The following CDHR2 variants were observed in gnomAD, a reference collection of about 807,000 sequenced individuals.
The protein encoded by CDHR2 is cadherin related family member 2, also known as cadherin-related family member 2.
CDHR2 carries 104 observed loss-of-function variants against 138.6 expected under a neutral mutation model. That is an observed-to-expected ratio of 0.75 (90% CI 0.64 to 0.88). The LOEUF (loss-of-function observed/expected upper bound fraction) is 0.88. CDHR2 is among the 40% of genes least tolerant of loss of function. CDHR2 has a pLI of 0.00. For synonymous variants in CDHR2, 755 were observed against 742.8 expected, an observed-to-expected ratio of 1.02 and a Z score of -0.27; for missense variants, 1,624 against 1,727.6, an observed-to-expected ratio of 0.94 and a Z score of 1.06.
chr5:176,575,010 C>T, intron 7 of CDHR2, 74 bp from the exon 8 acceptor site: 2 of 1,579,022 alleles, frequency 1.3e-6, no homozygotes, highest in African/African-American at 1.3e-5. Flanking sequence ...GGGACCTTCC[C>T]TGCGTTGCTC....
At position 176,550,207 on chromosome 5, in the gene CDHR2, AT is replaced by A. The variant is rs368195711; in HGVS notation, c.-16+794del. On this transcript the variant is annotated intron_variant, in intron 1 of 31. Coordinates refer to ENST00000261944, the MANE Select transcript of CDHR2 (RefSeq NM_017675.6). ...CCCGTGTGTAGACCCCTTGATTTTT[AT>A]CCTCACTCTGCTTCTCAGCAGGGGA... Among the ~76,000 whole-genome samples, 1,023 of 152,298 alleles carry A rather than the reference AT, an allele frequency of 6.7e-3. 6 individuals are homozygous for A. The highest frequency in any genetic ancestry group is 0.023 in the African/African-American group (963 of 41,550).
At chr5:176,562,547 C>A (rs947356676) in intron 1 of CDHR2, among the ~76,000 whole-genome samples, 1 of 152,058 alleles carries the variant, frequency 6.6e-6, no homozygotes, top group Non-Finnish European at 1.5e-5. Context: ...CCCAGGGCTG[C>A]GTGCTTACTT....
In CDHR2 at chr5:176,543,010, G is replaced by A. The variant is rs939703645; in HGVS notation, c.-16+241G>A. On this transcript the variant is annotated intron_variant, in intron 1 of 31. Coordinates refer to the CDHR2 transcript ENST00000510636. This position sits in a 1 kb window ranked among gnomAD's most constrained non-coding sequence, Gnocchi z 4.0. Reference sequence around the variant, plus strand: ...GGTCGGGACGTGCGCGGGGCGCAGGGCACGCGGGGGCTCGGAGTTCCCCGG... The same window carrying A: ...GGTCGGGACGTGCGCGGGGCGCAGGACACGCGGGGGCTCGGAGTTCCCCGG... Among the ~76,000 whole-genome samples the A allele has an allele frequency of 1.3e-5, 2 of 151,758 alleles. No individual in the cohort carries two copies. The highest frequency in any genetic ancestry group is 4.8e-5 in the African/African-American group (2 of 41,336).
At chr5:176,573,572 A>T (rs992745812) in intron 6 of CDHR2, among the ~76,000 whole-genome samples, 17 of 151,798 alleles carry the variant, frequency 1.1e-4, no homozygotes, top group African/African-American at 3.9e-4. Context: ...GCTTAAACCC[A>T]GGGGGCAGAG....
At chr5:176,574,662 A>G (rs1758321663) in intron 7 of CDHR2, among the ~76,000 whole-genome samples, 1 of 152,194 alleles carries the variant, frequency 6.6e-6, no homozygotes, top group Non-Finnish European at 1.5e-5. Flanking sequence ...TGTGCTTTAA[A>G]TCACCTCTAG....
Position 176,584,926 on chromosome 5 carries a change from T to A in CDHR2, c.2645T>A (p.Ile882Asn). The A allele has an allele frequency of 6.2e-7, 1 of 1,603,414 alleles. No homozygotes were observed. The highest frequency in any genetic ancestry group is 2.3e-5 in the East Asian group (1 of 44,138). Residue 882 changes from isoleucine to asparagine, a missense_variant, in exon 19 of 32, where the codon ATC becomes AAC. This residue lies in a region of CDHR2 where 556 missense variants were observed against 565.7 expected (regional missense o/e 0.98). Transcript: ENST00000261944. ...GSVYINQSKA[I>N]DYEACDLVTL... The stretch of plus-strand genomic sequence containing the variant: ...GTGTACATCAACCAGAGCAAAGCCA[T>A]CGACTACGAGGCCTGTGACCTGGTC...
rs2113317790 is a variant in CDHR2 at position 176,584,987 on chromosome 5, C to T, written c.2706C>T (p.Asp902=). The T allele has an allele frequency of 2.6e-6, 4 of 1,548,828 alleles. No homozygotes were observed. In the East Asian group the frequency reaches 9.8e-5, roughly 38 times the overall value. The change falls in exon 19 of 32, where the codon GAC becomes GAT. Residue 902 remains aspartate, a synonymous_variant. Coordinates refer to ENST00000261944, the MANE Select transcript of CDHR2 (RefSeq NM_017675.6). The stretch of plus-strand genomic sequence containing the variant: ...TGCGGGCCTGTGACCTAGCCACGGA[C>T]CCCGGCTTCCAGGCCTACAGCAACA... ...LVVRACDLAT[D]PGFQAYSNNG... is the part of the protein sequence containing the mutation.
intron 31 of CDHR2, 37 bp from the exon 32 acceptor site, chr5:176,595,495 G>C (rs759898872): frequency 7.1e-6 from 11 of 1,547,746 alleles, no homozygotes; most frequent in Non-Finnish European, 9.6e-6. Flanking sequence ...GCCCCACCTT[G>C]CCTTGCCCTT....
rs569336868 is a variant in CDHR2 at position 176,566,666 on chromosome 5, C to A, written c.124+923C>A. ...GACTTCCCTAAGGCACAGGTCCCAC[C>A]CACATGGGCCAGGATGGCTCAGACG... On this transcript the variant is annotated intron_variant, in intron 3 of 31. Transcript: ENST00000261944. Among the ~76,000 whole-genome samples, 4 of 152,352 alleles carry A rather than the reference C, an allele frequency of 2.6e-5. No individual in the cohort carries two copies. The South Asian group carries it at 8.3e-4, about 32-fold the overall frequency.
intron 5 of CDHR2, among the ~76,000 whole-genome samples, chr5:176,570,410 A>C (rs555682094): frequency 1.3e-5 from 2 of 152,254 alleles, no homozygotes; most frequent in South Asian, 4.1e-4. Flanking sequence ...CAGTGGTGCA[A>C]TCACAGCTCA....
chr5:176,578,693 G>A lies in CDHR2; in HGVS notation c.1818+85G>A, dbSNP rs555746346. On this transcript the variant is annotated intron_variant, in intron 16 of 31. Coordinates refer to ENST00000261944, the MANE Select transcript of CDHR2 (RefSeq NM_017675.6). ...GGGCATGCTGGCCCTGGGTAAAGTC[G>A]GGGCTCCGCTGTGTGGCTCTGAGAC... 1.9e-5 allele frequency: 29 copies of A among 1,564,246 alleles called. No individual in the cohort carries two copies. The African/African-American group carries it at 2.3e-4, about 12-fold the overall frequency.
intron 5 of CDHR2, among the ~76,000 whole-genome samples, 176 bp from the exon 6 acceptor site, chr5:176,571,037 C>CAAAAAAAAAAAAA (rs535234193): frequency 1.7e-4 from 9 of 53,286 alleles, no homozygotes; most frequent in Non-Finnish European, 2.8e-4. Context: ...CTGGTCTCTA[C>CAAAAAAAAAAAAA]AAAAAAAAAA....
chr5:176,546,745 CAAAAAAAA>C (rs10719325), upstream of CDHR2, among the ~76,000 whole-genome samples: 10 of 61,336 alleles, frequency 1.6e-4, no homozygotes, highest in East Asian at 4.5e-4. Context: ...ACATGGTGCT[CAAAAAAAA>C]AAAAAAAAAA....
chr5:176,584,646 G>A lies in CDHR2; in HGVS notation c.2365G>A (p.Glu789Lys), dbSNP rs139706712. Residue 789 changes from glutamate (E) to lysine (K), a missense_variant, in exon 19 of 32, where the codon GAG (glutamate) becomes AAG (lysine). Glu to Lys is a moderately conservative substitution (Grantham distance 56, BLOSUM62 1). This residue lies in a region of CDHR2 where 1,061 missense variants were observed against 1,136.6 expected (regional missense o/e 0.93). Transcript: ENST00000261944. ...SAENPDPQGG[E>K]TIVDVCVNVK... Reference sequence around the variant, plus strand: ...TGAGAACCCAGACCCCCAGGGGGGTGAGACCATAGTAGACGTCTGCGTGAA... The same window carrying A: ...TGAGAACCCAGACCCCCAGGGGGGTAAGACCATAGTAGACGTCTGCGTGAA... The A allele has an allele frequency of 3.5e-4, 558 of 1,612,618 alleles. No individual in the cohort carries two copies. The highest frequency in any genetic ancestry group is 4.6e-4 in the Non-Finnish European group (537 of 1,178,932).
rs76943460 is a variant in CDHR2 at position 176,569,080 on chromosome 5, G to A, written c.315+70G>A. 2.9e-3 allele frequency: 4,304 copies of A among 1,464,998 alleles called. 110 individuals are homozygous for A. In the African/African-American group the frequency reaches 0.054, roughly 18 times the overall value. The allele number at this position is 1,464,998 out of a possible 1,614,324, so 90.7% of individuals were successfully genotyped here. A position where few individuals can be genotyped will look rare whatever the true frequency, so the allele number is the denominator to read the frequency against. ...CATTCCTGATTGTGTCCCCACCTCCGGCAAGCGGACGGTGCCCCAGTTAAC... is the reference window on the plus strand; with the variant it reads ...CATTCCTGATTGTGTCCCCACCTCCAGCAAGCGGACGGTGCCCCAGTTAAC... On this transcript the variant is annotated intron_variant, in intron 5 of 31. Transcript: ENST00000261944.
In CDHR2 at chr5:176,565,347, G is replaced by A. The variant is rs754273590; in HGVS notation, c.-6G>A. The A allele has an allele frequency of 6.2e-7, 1 of 1,613,892 alleles. No individual in the cohort carries two copies. Among genetic ancestry groups the A allele is most frequent in the Non-Finnish European group, 8.5e-7 (1 of 1,179,764 alleles). On this transcript the variant is annotated 5_prime_UTR_variant, in exon 2 of 32. Transcript: ENST00000261944. ...TGACCTCTTCCCTTAGGTCCCTGCGGATGTGATGGCCCAGCTATGGCTGTC... is the reference window on the plus strand; with the variant it reads ...TGACCTCTTCCCTTAGGTCCCTGCGAATGTGATGGCCCAGCTATGGCTGTC...
intron 30 of CDHR2, among the ~76,000 whole-genome samples, chr5:176,591,952 ATGATGACGGTGGTGGTGGTGGTGGTGT>A (rs1561883223): frequency 1.5e-3 from 24 of 16,450 alleles, no homozygotes; most frequent in Admixed American, 2.1e-3. Context: ...GATGATGGTG[ATGATGACGGTGGTGGTGGTGGTGGTGT>A]TGGTGTTGAG....
At chr5:176,565,075 C>T (rs1042426797) in intron 1 of CDHR2, among the ~76,000 whole-genome samples, 2 of 152,166 alleles carry the variant, frequency 1.3e-5, no homozygotes, top group African/African-American at 4.8e-5. Flanking sequence ...AGCTGCACAT[C>T]TAGTGCCTTG....
chr5:176,555,253 C>T (rs1757794850), intron 1 of CDHR2, among the ~76,000 whole-genome samples: 8 of 152,182 alleles, frequency 5.3e-5, no homozygotes, highest in Admixed American at 5.2e-4. Flanking sequence ...GCTTTGGGGT[C>T]CACATCTGAA....
Sources: allele counts gnomAD v4.1 joint callset (sites outside exome capture counted in the v4.1 genomes callset), GRCh38; gene constraint gnomAD v4.1.1; regional missense constraint gnomAD v4.1.1; non-coding constraint Gnocchi (gnomAD v3.1); transcripts MANE v1.5; gene names NCBI Gene and HGNC (gene_info 2026-07-23, HGNC 2026-07-21).